CHAF1B: variants seen among roughly 807,000 people sequenced by gnomAD.
The protein encoded by CHAF1B is chromatin assembly factor 1 subunit B, also known as CAF-1 subunit B.
Under a neutral mutation model 60.7 loss-of-function variants are expected in CHAF1B, and 10 were observed. The observed-to-expected ratio is 0.16, with a 90% CI of 0.10 to 0.28. The LOEUF (loss-of-function observed/expected upper bound fraction) is 0.28, where lower values mean the gene tolerates loss of function less well. CHAF1B is among the 10% of genes least tolerant of loss of function. CHAF1B has a pLI of 1.00. For missense variants in CHAF1B, 558 were observed against 708.4 expected, an observed-to-expected ratio of 0.79 and a Z score of 2.41; for synonymous variants, 261 against 266.1, an observed-to-expected ratio of 0.98 and a Z score of 0.19.
In CHAF1B at chr21:36,388,450, A is replaced by C. The variant is rs367699939; in HGVS notation, c.259+720A>C. The stretch of plus-strand genomic sequence containing the variant: ...TAAATGGCTTTAGGACTGTGTTAGT[A>C]ATTAATTGGCTTTGGGAGTTTTTTT... On this transcript the variant is annotated intron_variant, in intron 3 of 13. Coordinates refer to ENST00000314103, the MANE Select transcript of CHAF1B (RefSeq NM_005441.3). Among the ~76,000 whole-genome samples the C allele has an allele frequency of 7.9e-4, 119 of 150,612 alleles. 1 individual carries two copies. Among genetic ancestry groups the C allele is most frequent in the African/African-American group, 2.8e-3 (114 of 41,002 alleles).
At chr21:36,415,024 G>C (rs1660718931) in intron 12 of CHAF1B, among the ~76,000 whole-genome samples, 1 of 152,200 alleles carries the variant, frequency 6.6e-6, no homozygotes, top group Non-Finnish European at 1.5e-5. Context: ...AAGACCGTCG[G>C]TAATGAACAG....
Position 36,409,395 on chromosome 21 carries a change from T to C in CHAF1B, c.849T>C (p.Cys283=), listed in dbSNP as rs2146374451. Residue 283 remains cysteine (C), a synonymous_variant, in exon 10 of 14, where the codon TGT becomes TGC. Coordinates refer to ENST00000314103, the MANE Select transcript of CHAF1B (RefSeq NM_005441.3). The stretch of plus-strand genomic sequence containing the variant: ...TTAGGCCCATCGCTCATCTTCCATG[T>C]CCTGGAAAAGCCACTCTTGCTGTTC... ...NLKRPIAHLP[C]PGKATLAVRC... 2 of 1,613,740 alleles carry C rather than the reference T, an allele frequency of 1.2e-6. No individual in the cohort carries two copies. Among genetic ancestry groups the C allele is most frequent in the East Asian group, 4.5e-5 (2 of 44,864 alleles).
At position 36,411,361 on chromosome 21, in the gene CHAF1B, G is replaced by A. The variant is rs139434920; in HGVS notation, c.920-102G>A. 1,278 of 1,406,642 alleles carry A rather than the reference G, an allele frequency of 9.1e-4. 24 individuals are homozygous for A. In the East Asian group the frequency reaches 0.024, roughly 26 times the overall value. 87.1% of individuals were successfully genotyped at this position (1,406,642 alleles called of 1,614,324 possible). On this transcript the variant is annotated intron_variant, in intron 10 of 13. Coordinates refer to ENST00000314103, the MANE Select transcript of CHAF1B (RefSeq NM_005441.3). ...ACTCCTGAGCTCAAGTGATCCACCC[G>A]GCTCGGCCTCCCAAAGTGCTGGGAT...
At chr21:36,400,587 TATA>T (rs1489536842) in intron 7 of CHAF1B, among the ~76,000 whole-genome samples, 1 of 151,930 alleles carries the variant, frequency 6.6e-6, no homozygotes, top group Non-Finnish European at 1.5e-5. Flanking sequence ...GATTCTCAGG[TATA>T]GCAAGGGCTG....
chr21:36,405,471 G>T (rs572702759), intron 8 of CHAF1B, among the ~76,000 whole-genome samples: 1 of 152,150 alleles, frequency 6.6e-6, no homozygotes, highest in East Asian at 1.9e-4. Flanking sequence ...CTGTCACCCA[G>T]GCTGGAGTAC....
intron 11 of CHAF1B, among the ~76,000 whole-genome samples, chr21:36,411,862 G>A (rs2086280622): frequency 6.6e-6 from 1 of 152,078 alleles, no homozygotes; most frequent in Non-Finnish European, 1.5e-5. Flanking sequence ...CCAAGTAGCT[G>A]GGATTACAGG....
intron 2 of CHAF1B, among the ~76,000 whole-genome samples, chr21:36,387,218 A>ATTTTTTTT: frequency 7.3e-6 from 1 of 137,660 alleles, no homozygotes; most frequent in Non-Finnish European, 1.5e-5. Flanking sequence ...AAATAAGCAT[A>ATTTTTTTT]GTTTTGTTTT....
chr21:36,391,507 A>T, intron 3 of CHAF1B, 44 bp from the exon 4 acceptor site: 1 of 1,038,674 alleles, frequency 9.6e-7, no homozygotes, highest in Non-Finnish European at 1.5e-6. Context: ...AATATGAAGG[A>T]GTGTGGGTGA....
At chr21:36,386,968 C>T (rs2146358256) in intron 2 of CHAF1B, among the ~76,000 whole-genome samples, 1 of 152,242 alleles carries the variant, frequency 6.6e-6, no homozygotes, top group South Asian at 2.1e-4. Flanking sequence ...CCCACCTTGG[C>T]CTCCCAAAGT....
rs1310054685 is a variant in CHAF1B at position 36,399,468 on chromosome 21, T to TGAA, written c.579-51_579-49dup. ...CTGTTGGTAATAAGTTGTTTCTGTG[T>TGAA]GAAGCATAATTCATTTACTAGAAGT... On this transcript the variant is annotated intron_variant, in intron 6 of 13. Coordinates refer to ENST00000314103, the MANE Select transcript of CHAF1B (RefSeq NM_005441.3). 1.3e-5 allele frequency: 20 copies of TGAA among 1,494,796 alleles called. No individual in the cohort carries two copies. The East Asian group carries it at 4.1e-4, about 30-fold the overall frequency. 92.6% of individuals were successfully genotyped at this position (1,494,796 alleles called of 1,614,324 possible). A position where few individuals can be genotyped will look rare whatever the true frequency, so the allele number is the denominator to read the frequency against.
intron 9 of CHAF1B, among the ~76,000 whole-genome samples, chr21:36,409,158 ATTTT>A (rs1163222508): frequency 2.1e-5 from 2 of 94,656 alleles, no homozygotes; most frequent in Non-Finnish European, 2.2e-5. Flanking sequence ...CCCGGCTTGT[ATTTT>A]TTTTTTTTTT....
In CHAF1B at chr21:36,399,282, C is replaced by A. The variant is rs192903940; in HGVS notation, c.579-239C>A. 6.4e-3 allele frequency among the ~76,000 whole-genome samples: 968 copies of A among 151,974 alleles called. 14 individuals are homozygous for A. Among genetic ancestry groups the A allele is most frequent in the African/African-American group, 0.022 (897 of 41,470 alleles). ...AACTCCTGACCTCAAGTGATTCACCCGCCTCTGCCTCCCAAAGTGTCGGGA... is the reference window on the plus strand; with the variant it reads ...AACTCCTGACCTCAAGTGATTCACCAGCCTCTGCCTCCCAAAGTGTCGGGA... On this transcript the variant is annotated intron_variant, in intron 6 of 13. Transcript: ENST00000314103.
chr21:36,392,546 CG>C (rs1167627942), intron 4 of CHAF1B, among the ~76,000 whole-genome samples: 1 of 144,286 alleles, frequency 6.9e-6, no homozygotes, highest in African/African-American at 2.6e-5. Context: ...GCTGGCCGGG[CG>C]GGGGCTGCCC....
intron 8 of CHAF1B, among the ~76,000 whole-genome samples, chr21:36,403,899 C>T (rs1449660860): frequency 1.3e-5 from 2 of 152,174 alleles, no homozygotes; most frequent in Non-Finnish European, 2.9e-5. Flanking sequence ...AGTCCCATCC[C>T]AGCTGAGCCA....
Position 36,412,955 on chromosome 21 carries a change from A to G in CHAF1B, c.1133A>G (p.Asp378Gly). The change falls in exon 12 of 14, where the codon GAT becomes GGT. Residue 378 changes from aspartate (D) to glycine (G), a missense_variant. Asp to Gly is a moderately conservative substitution (Grantham distance 94, BLOSUM62 -1). Around this residue, in one of 2 missense-constraint regions of CHAF1B, gnomAD observed 325 missense variants for 493.5 expected, o/e 0.66. Coordinates refer to ENST00000314103, the MANE Select transcript of CHAF1B (RefSeq NM_005441.3). ...GYCSFVTFEK[D>G]ELGIPLKEKP... ...TGCTCATTTGTGACATTTGAGAAAG[A>G]TGAACTTGGAATTCCTTTGAAAGAG... 1 of 1,614,196 alleles carries G rather than the reference A, an allele frequency of 6.2e-7. No homozygotes were observed. The highest frequency in any genetic ancestry group is 8.5e-7 in the Non-Finnish European group (1 of 1,180,048).
chr21:36,392,700 C>G (rs1009648746), intron 4 of CHAF1B, among the ~76,000 whole-genome samples: 18 of 151,520 alleles, frequency 1.2e-4, no homozygotes, highest in Non-Finnish European at 1.5e-5. Flanking sequence ...ACGGGGCGGC[C>G]GGGCAGAGAC....
chr21:36,404,398 C>T (rs2146370703), intron 8 of CHAF1B, among the ~76,000 whole-genome samples: 1 of 142,584 alleles, frequency 7.0e-6, no homozygotes, highest in African/African-American at 2.6e-5. Flanking sequence ...CACGCCCGGC[C>T]CTTTTTTTTT....
At chr21:36,388,027 T>G (rs1389512391) in intron 3 of CHAF1B, among the ~76,000 whole-genome samples, 1 of 152,120 alleles carries the variant, frequency 6.6e-6, no homozygotes, top group Non-Finnish European at 1.5e-5. Flanking sequence ...TTCATCATGT[T>G]GGTCAGGCTG....
At chr21:36,407,919 A>G (rs1473623921) in intron 8 of CHAF1B, among the ~76,000 whole-genome samples, 1 of 152,040 alleles carries the variant, frequency 6.6e-6, no homozygotes, top group African/African-American at 2.4e-5. Flanking sequence ...TGGAGGTTGC[A>G]GTGAGCCAAG....
Sources: allele counts gnomAD v4.1 joint callset (sites outside exome capture counted in the v4.1 genomes callset), GRCh38; gene constraint gnomAD v4.1.1; regional missense constraint gnomAD v4.1.1; transcripts MANE v1.5; gene names NCBI Gene and HGNC (gene_info 2026-07-23, HGNC 2026-07-21).